The following IL1RAPL2 variants were observed in gnomAD, a reference collection of about 807,000 sequenced individuals.
IL1RAPL2 encodes the protein X-linked interleukin-1 receptor accessory protein-like 2.
IL1RAPL2 carries 3 observed loss-of-function variants against 44.1 expected under a neutral mutation model. That is an observed-to-expected ratio of 0.07 (90% CI 0.03 to 0.18). IL1RAPL2 has a LOEUF of 0.18. Among genes scored for constraint, IL1RAPL2 ranks in the 10% least tolerant of loss-of-function variants. IL1RAPL2 has a pLI of 1.00. For missense variants in IL1RAPL2, 391 were observed against 496.4 expected, an observed-to-expected ratio of 0.79 and a Z score of 2.02; for synonymous variants, 181 against 178.8, an observed-to-expected ratio of 1.01 and a Z score of -0.10.
At chrX:105,247,374 A>C (rs1207762623) in intron 4 of IL1RAPL2, among the ~76,000 whole-genome samples, 2 of 110,978 alleles carry the variant, frequency 1.8e-5, no homozygotes, top group Non-Finnish European at 3.8e-5. Flanking sequence ...TGATATAAAC[A>C]GAATTCTCTA....
intron 2 of IL1RAPL2, among the ~76,000 whole-genome samples, chrX:105,147,257 T>C (rs1025358723): frequency 8.9e-6 from 1 of 111,747 alleles, no homozygotes; most frequent in African/African-American, 3.3e-5. Context: ...TATTTTAAGC[T>C]ATTATTACCT....
intron 2 of IL1RAPL2, among the ~76,000 whole-genome samples, chrX:105,181,618 C>T (rs2033531259): frequency 8.9e-6 from 1 of 111,996 alleles, no homozygotes; most frequent in Non-Finnish European, 1.9e-5. Flanking sequence ...ATTTGTACAA[C>T]TTCCAAAGTT....
chrX:105,243,390 GCCATCCAGAACTGT>G (rs1456648272), intron 4 of IL1RAPL2, among the ~76,000 whole-genome samples: 1 of 109,124 alleles, frequency 9.2e-6, no homozygotes, highest in Non-Finnish European at 1.9e-5. Flanking sequence ...GGCCTCCCCA[GCCATCCAGAACTGT>G]GAATCAATTA....
intron 6 of IL1RAPL2, among the ~76,000 whole-genome samples, chrX:105,582,700 T>C (rs1321558490): frequency 9.1e-6 from 1 of 109,603 alleles, no homozygotes. Flanking sequence ...GTGTTTTTTT[T>C]TTTAAATCAT....
intron 7 of IL1RAPL2, among the ~76,000 whole-genome samples, chrX:105,721,160 A>C (rs1468537734): frequency 3.6e-5 from 4 of 111,588 alleles, no homozygotes; most frequent in Non-Finnish European, 7.5e-5. Context: ...TCATGACTGT[A>C]ATCCTAGCAC....
At chrX:105,455,422 T>C (rs2036048361) in intron 5 of IL1RAPL2, among the ~76,000 whole-genome samples, 1 of 112,210 alleles carries the variant, frequency 8.9e-6, no homozygotes, top group Non-Finnish European at 1.9e-5. Flanking sequence ...TGGTATTGCC[T>C]AGGTTGTCTT....
At chrX:105,190,811 T>C (rs1188011123) in intron 2 of IL1RAPL2, among the ~76,000 whole-genome samples, 1 of 112,608 alleles carries the variant, frequency 8.9e-6, no homozygotes, top group Non-Finnish European at 1.9e-5. Flanking sequence ...TAACAACTTA[T>C]CCTCTTACAG....
At chrX:105,508,801 G>A (rs1006194059) in intron 6 of IL1RAPL2, among the ~76,000 whole-genome samples, 15 of 111,011 alleles carry the variant, frequency 1.4e-4, no homozygotes, top group African/African-American at 3.9e-4. Context: ...AAGCAGTGGG[G>A]GAAGTATTGA....
At chrX:105,504,746 T>G (rs1156672281) in intron 6 of IL1RAPL2, among the ~76,000 whole-genome samples, 1 of 111,726 alleles carries the variant, frequency 9.0e-6, no homozygotes, top group Admixed American at 9.5e-5. Context: ...TGTTTTCTTG[T>G]ACATAGATTA....
At chrX:104,775,626 T>G (rs1932706562) in intron 2 of IL1RAPL2, among the ~76,000 whole-genome samples, 1 of 111,549 alleles carries the variant, frequency 9.0e-6, no homozygotes, top group Non-Finnish European at 1.9e-5. Context: ...GGTCAAGTAT[T>G]TAATGTCAAT....
chrX:105,553,922 T>C (rs1376363436), intron 6 of IL1RAPL2, among the ~76,000 whole-genome samples: 2 of 112,876 alleles, frequency 1.8e-5, no homozygotes, highest in African/African-American at 3.2e-5. Context: ...GTACAGGTCC[T>C]TTCCCAATTT....
chrX:105,046,836 T>TTTTTTG (rs1556036881), intron 2 of IL1RAPL2, among the ~76,000 whole-genome samples: 1 of 99,390 alleles, frequency 1.0e-5, no homozygotes, highest in Non-Finnish European at 2.0e-5. Flanking sequence ...TTTTTTTTTT[T>TTTTTTG]GGGGGGGTGC....
At chrX:105,490,965 A>T (rs779813599) in intron 6 of IL1RAPL2, among the ~76,000 whole-genome samples, 70 of 112,261 alleles carry the variant, frequency 6.2e-4, no homozygotes, top group Middle Eastern at 4.2e-3. Context: ...CTTCAACCCA[A>T]TTACTAGATT....
chrX:104,854,077 G>T (rs1386454558), intron 2 of IL1RAPL2, among the ~76,000 whole-genome samples: 1 of 111,375 alleles, frequency 9.0e-6, no homozygotes, highest in Non-Finnish European at 1.9e-5. Context: ...AGGGTTGTCT[G>T]GGCAAAACAA....
intron 2 of IL1RAPL2, among the ~76,000 whole-genome samples, chrX:104,965,612 G>C (rs1156786892): frequency 9.0e-6 from 1 of 111,184 alleles, no homozygotes; most frequent in Non-Finnish European, 1.9e-5. Flanking sequence ...AGAAACTACA[G>C]AACAGCGTAT....
chrX:104,990,749 C>A (rs2030646868), intron 2 of IL1RAPL2, among the ~76,000 whole-genome samples: 1 of 111,536 alleles, frequency 9.0e-6, no homozygotes, highest in Non-Finnish European at 1.9e-5. Context: ...TTGATGCCTT[C>A]TTTGGGATCA....
At chrX:104,810,673 T>C (rs887561054) in intron 2 of IL1RAPL2, among the ~76,000 whole-genome samples, 2 of 111,714 alleles carry the variant, frequency 1.8e-5, no homozygotes, top group African/African-American at 3.2e-5. Flanking sequence ...CATGTGTCAA[T>C]GCAGCATAAC....
intron 2 of IL1RAPL2, among the ~76,000 whole-genome samples, chrX:104,949,825 A>T (rs1299988750): frequency 3.6e-5 from 4 of 110,318 alleles, no homozygotes; most frequent in Non-Finnish European, 7.6e-5. Flanking sequence ...TGCTGAGGAG[A>T]GCTTTACTTC....
intron 2 of IL1RAPL2, among the ~76,000 whole-genome samples, chrX:104,659,293 T>A (rs1374133522): frequency 8.9e-6 from 1 of 111,789 alleles, no homozygotes; most frequent in Non-Finnish European, 1.9e-5. Flanking sequence ...GGAGCAAACA[T>A]TTACAAATGA....
Sources: gnomAD v4.1 joint callset for allele counts (sites outside exome capture counted in the v4.1 genomes callset) on GRCh38, gnomAD v4.1.1 for gene constraint, MANE v1.5 for transcripts, NCBI Gene and HGNC (gene_info 2026-07-23, HGNC 2026-07-21) for gene names.